Variants in RIMS1 observed in about 807,000 individuals in gnomAD.
RIMS1 encodes the protein regulating synaptic membrane exocytosis 1.
Under a neutral mutation model 214.1 loss-of-function variants are expected in RIMS1, and 83 were observed. The ratio of observed to expected loss-of-function variants is 0.39; its 90% CI spans 0.32 to 0.47. The LOEUF is 0.47. Ranked by LOEUF, RIMS1 falls within the 20% of genes least tolerant of loss-of-function variation. The probability of loss-of-function intolerance (pLI) is 0.99; values close to 1 mark genes in which losing one functional copy is unlikely to be tolerated. For missense variants in RIMS1, 2,050 were observed against 2,161.8 expected, an observed-to-expected ratio of 0.95 and a Z score of 1.03; for synonymous variants, 793 against 786.8, an observed-to-expected ratio of 1.01 and a Z score of -0.13.
intron 23 of RIMS1, among the ~76,000 whole-genome samples, chr6:72,280,551 C>T (rs770784901): frequency 3.2e-4 from 48 of 151,918 alleles, no homozygotes; most frequent in Non-Finnish European, 5.5e-4. Context: ...ACTTAATTTA[C>T]GTATTCTTTT....
intron 1 of RIMS1, among the ~76,000 whole-genome samples, chr6:71,936,326 C>CAAAAAAAA (rs4034728): frequency 3.8e-4 from 26 of 68,692 alleles, no homozygotes; most frequent in Non-Finnish European, 4.4e-4. Context: ...GACTCCGTCT[C>CAAAAAAAA]AAAAAAAAAA....
chr6:72,281,467 C>T (rs115355866), intron 23 of RIMS1, among the ~76,000 whole-genome samples: 2 of 152,102 alleles, frequency 1.3e-5, no homozygotes, highest in South Asian at 4.2e-4. Flanking sequence ...TGAAATATCA[C>T]TTGGGTCTAG....
At chr6:72,327,098 C>T (rs571721762) in intron 28 of RIMS1, among the ~76,000 whole-genome samples, 3 of 151,772 alleles carry the variant, frequency 2.0e-5, no homozygotes, top group African/African-American at 7.2e-5. Flanking sequence ...GGGCTTCTGA[C>T]CTCCAGAACT....
chr6:72,287,212 G>A (rs2092494343), intron 24 of RIMS1, among the ~76,000 whole-genome samples: 1 of 152,120 alleles, frequency 6.6e-6, no homozygotes, highest in South Asian at 2.1e-4. Flanking sequence ...TGCATTTTAT[G>A]GTGTGTTATT....
chr6:72,121,588 T>C (rs1244316555), intron 4 of RIMS1, among the ~76,000 whole-genome samples: 1 of 151,908 alleles, frequency 6.6e-6, no homozygotes, highest in Non-Finnish European at 1.5e-5. Context: ...CACAATCATG[T>C]CATCTGCAAA....
chr6:71,971,653 GC>G (rs1795889026), intron 2 of RIMS1, among the ~76,000 whole-genome samples: 1 of 152,152 alleles, frequency 6.6e-6, no homozygotes, highest in South Asian at 2.1e-4. Context: ...GTTCCACATG[GC>G]TGGGGAGGTC....
At chr6:71,906,634 G>A (rs910827307) in intron 1 of RIMS1, among the ~76,000 whole-genome samples, 1 of 152,090 alleles carries the variant, frequency 6.6e-6, no homozygotes, top group Non-Finnish European at 1.5e-5. Context: ...ATTATGGGAT[G>A]CATGGAGCGG....
intron 1 of RIMS1, among the ~76,000 whole-genome samples, chr6:71,894,154 G>C (rs1770860244): frequency 6.6e-6 from 1 of 152,154 alleles, no homozygotes; most frequent in Non-Finnish European, 1.5e-5. Context: ...CTGAGAATGA[G>C]GTATTATCAG....
chr6:72,324,389 A>G (rs572775455), intron 28 of RIMS1, among the ~76,000 whole-genome samples: 9 of 151,962 alleles, frequency 5.9e-5, no homozygotes, highest in Non-Finnish European at 1.2e-4. Flanking sequence ...CAAAGTGCAT[A>G]TTTTAATCTT....
chr6:72,245,906 T>A, intron 11 of RIMS1, 45 bp downstream of exon 11: 1 of 1,337,076 alleles, frequency 7.5e-7, no homozygotes, highest in Non-Finnish European at 1.1e-6. Context: ...TTGAACTAAT[T>A]GAAAGTAAAG....
At chr6:71,991,608 G>C (rs891049466) in intron 2 of RIMS1, among the ~76,000 whole-genome samples, 1 of 152,176 alleles carries the variant, frequency 6.6e-6, no homozygotes, top group Non-Finnish European at 1.5e-5. Context: ...CAGAGTTTCA[G>C]TCTAGTGCTC....
chr6:72,375,337 G>A (rs974753328), intron 29 of RIMS1, among the ~76,000 whole-genome samples: 4 of 151,994 alleles, frequency 2.6e-5, no homozygotes, highest in Admixed American at 6.5e-5. Context: ...CTAATAACTC[G>A]TTCTATACCT....
intron 29 of RIMS1, among the ~76,000 whole-genome samples, chr6:72,384,855 T>C (rs1307039214): frequency 6.6e-6 from 1 of 152,228 alleles, no homozygotes. Context: ...GCCTGTATCA[T>C]AGGTTCTTGG....
At chr6:71,965,677 G>A (rs146145834) in intron 1 of RIMS1, among the ~76,000 whole-genome samples, 1 of 152,322 alleles carries the variant, frequency 6.6e-6, no homozygotes, top group African/African-American at 2.4e-5. Flanking sequence ...TAAATCTTCA[G>A]TGATGCTTCA....
chr6:72,111,666 A>G (rs56061201), intron 4 of RIMS1, among the ~76,000 whole-genome samples: 8,599 of 152,234 alleles, frequency 0.056, 343 homozygotes, highest in Middle Eastern at 0.095. Flanking sequence ...TTACTTTTCT[A>G]TGAGTCCCAT....
At chr6:71,950,866 AG>A (rs1789260345) in intron 1 of RIMS1, among the ~76,000 whole-genome samples, 1 of 152,212 alleles carries the variant, frequency 6.6e-6, no homozygotes, top group Non-Finnish European at 1.5e-5. Flanking sequence ...AAAACTCAAA[AG>A]GAAGAATGCC....
At chr6:72,397,457 G>A (rs2098792487) in intron 31 of RIMS1, among the ~76,000 whole-genome samples, 1 of 152,164 alleles carries the variant, frequency 6.6e-6, no homozygotes, top group Non-Finnish European at 1.5e-5. Context: ...TAGAGTGTGG[G>A]AAGCAGGAAG....
intron 4 of RIMS1, among the ~76,000 whole-genome samples, chr6:72,112,299 C>A (rs901030401): frequency 6.6e-6 from 1 of 152,070 alleles, no homozygotes; most frequent in African/African-American, 2.4e-5. Context: ...CCCTAATTGG[C>A]CTTTCCTTCT....
intron 6 of RIMS1, among the ~76,000 whole-genome samples, chr6:72,227,394 A>AT (rs1250667922): frequency 2.3e-4 from 34 of 146,964 alleles, no homozygotes; most frequent in African/African-American, 8.5e-4. Context: ...ACATTATCTC[A>AT]TTCTACCCTC....
Sources: gnomAD v4.1 joint callset for allele counts (sites outside exome capture counted in the v4.1 genomes callset) on GRCh38, gnomAD v4.1.1 for gene constraint, MANE v1.5 for transcripts, NCBI Gene and HGNC (gene_info 2026-07-23, HGNC 2026-07-21) for gene names.